Variants in GALNT5 observed in about 807,000 individuals in gnomAD.
The protein encoded by GALNT5 is polypeptide N-acetylgalactosaminyltransferase 5.
A neutral mutation model predicts 85.4 loss-of-function variants in GALNT5; 72 were observed. The observed-to-expected ratio is 0.84, with a 90% CI of 0.70 to 1.03. The LOEUF (loss-of-function observed/expected upper bound fraction) is 1.03. Ranked by LOEUF, GALNT5 falls within the 50% of genes least tolerant of loss-of-function variation. The pLI, the probability that GALNT5 is intolerant of heterozygous loss-of-function variation, is 0.00. For synonymous variants in GALNT5, 404 were observed against 397.0 expected, an observed-to-expected ratio of 1.02 and a Z score of -0.21; for missense variants, 1,137 against 1,135.5, an observed-to-expected ratio of 1.00 and a Z score of -0.02.
chr2:157,277,642 C>A (rs1184363557), intron 1 of GALNT5, among the ~76,000 whole-genome samples: 2 of 152,102 alleles, frequency 1.3e-5, no homozygotes, highest in African/African-American at 2.4e-5. Context: ...AAGATTGCAA[C>A]CCCTGTTCTT....
chr2:157,284,229 T>A, intron 1 of GALNT5, 53 bp from the exon 2 acceptor site: 1 of 1,500,438 alleles, frequency 6.7e-7, no homozygotes, highest in Non-Finnish European at 9.3e-7. Flanking sequence ...TTTAAAACTA[T>A]CTTGTGGATC....
rs762027970 is a variant in GALNT5, at chr2:157,284,471, C to T, written c.1621+23C>T. ...AAGGTAAGAAAACCACTCAGGCTATCTCTTGAAATTTCAAAGTTTGGCAGA... is the reference window on the plus strand; with the variant it reads ...AAGGTAAGAAAACCACTCAGGCTATTTCTTGAAATTTCAAAGTTTGGCAGA... On this transcript the variant is annotated intron_variant, in intron 2 of 9. Transcript: ENST00000259056. 4.4e-6 allele frequency: 7 copies of T among 1,603,834 alleles called. 1 individual carries two copies. In the South Asian group the frequency reaches 6.6e-5, roughly 15 times the overall value.
Position 157,259,090 on chromosome 2 carries a change from AG to A in GALNT5, c.1009del (p.Glu337ArgfsTer49), listed in dbSNP as rs775451419. 6.7e-7 allele frequency: 1 copy of A among 1,483,358 alleles called. No individual in the cohort carries two copies. Among genetic ancestry groups the A allele is most frequent in the East Asian group, 2.3e-5 (1 of 43,450 alleles). 91.9% of individuals were successfully genotyped at this position (1,483,358 alleles called of 1,614,324 possible). A position where few individuals can be genotyped will look rare whatever the true frequency, so the allele number is the denominator to read the frequency against. ...AGGAAGAGCAAAAGGCAGACCCCAA[AG>A]AGGTCTCTAATTCTAAAACCAAAAC... ...KEEEQKADPK[E>X]VSNSKTKTIF... On this transcript the variant is annotated frameshift_variant, in exon 1 of 10. Transcript: ENST00000259056. LOFTEE classifies it high-confidence loss of function.
intron 1 of GALNT5, among the ~76,000 whole-genome samples, chr2:157,263,948 T>C (rs1227659448): frequency 1.3e-5 from 2 of 152,202 alleles, no homozygotes; most frequent in African/African-American, 4.8e-5. Flanking sequence ...ATGTTTTGGC[T>C]TTCAAGAGAG....
intron 1 of GALNT5, among the ~76,000 whole-genome samples, chr2:157,278,606 G>A (rs568071712): frequency 2.0e-5 from 3 of 151,878 alleles, no homozygotes; most frequent in East Asian, 3.9e-4. Context: ...TGATTAAATC[G>A]GCTATTGAAG....
At chr2:157,261,124 C>A (rs1682331417) in intron 1 of GALNT5, among the ~76,000 whole-genome samples, 1 of 152,188 alleles carries the variant, frequency 6.6e-6, no homozygotes, top group Non-Finnish European at 1.5e-5. Context: ...CACATGCCAG[C>A]TTTGAACACA....
At position 157,258,122 on chromosome 2, in the gene GALNT5, G is replaced by C. The variant is rs756713064; in HGVS notation, c.40G>C (p.Val14Leu). The change falls in exon 1 of 10, where the codon GTC (valine) becomes CTC (leucine). Residue 14 changes from valine to leucine, a missense_variant. Val to Leu is a conservative substitution (Grantham distance 32, BLOSUM62 1). Coordinates refer to ENST00000259056, the MANE Select transcript of GALNT5 (RefSeq NM_014568.3). ...AAAGTTTTTCCGAGGAAGTGGGCGA[G>C]TCTTGGCATTTATCTTTGTAGCTTC... Reference protein sequence around the residue: ...IRKFFRGSGRVLAFIFVASVI... With the variant: ...IRKFFRGSGRLLAFIFVASVI... The C allele has an allele frequency of 3.7e-6, 6 of 1,613,954 alleles. No individual in the cohort carries two copies. The East Asian group carries it at 1.1e-4, about 30-fold the overall frequency.
intron 1 of GALNT5, among the ~76,000 whole-genome samples, chr2:157,269,446 AC>A (rs749264905): frequency 2.6e-5 from 4 of 152,212 alleles, no homozygotes; most frequent in Non-Finnish European, 5.9e-5. Flanking sequence ...TATGATCTGT[AC>A]CATATAATCT....
intron 1 of GALNT5, among the ~76,000 whole-genome samples, chr2:157,277,605 G>C (rs111436807): frequency 0.012 from 1,763 of 152,170 alleles, 39 homozygotes; most frequent in African/African-American, 0.039. Flanking sequence ...GATCTTTGTT[G>C]GTTTGAAGTC....
intron 7 of GALNT5, chr2:157,301,410 G>A: frequency 4.7e-6 from 1 of 212,040 alleles, no homozygotes; most frequent in Non-Finnish European, 9.6e-6. Context: ...CAGTTAGAGT[G>A]GCTGAGAAAT....
At chr2:157,287,534 C>T (rs1467872716) in intron 3 of GALNT5, among the ~76,000 whole-genome samples, 1 of 152,028 alleles carries the variant, frequency 6.6e-6, no homozygotes, top group Non-Finnish European at 1.5e-5. Flanking sequence ...CAAATTTGAC[C>T]ACTAGGAGCT....
intron 1 of GALNT5, among the ~76,000 whole-genome samples, chr2:157,274,574 G>A (rs921092855): frequency 1.3e-5 from 2 of 152,200 alleles, no homozygotes; most frequent in Non-Finnish European, 2.9e-5. Context: ...TTTCTCTGAT[G>A]ACCAGTGATG....
chr2:157,317,744 T>C lies in GALNT5; in HGVS notation c.*6396T>C, dbSNP rs1405920486. On this transcript the variant is annotated 3_prime_UTR_variant, in exon 10 of 10. Coordinates refer to ENST00000259056, the MANE Select transcript of GALNT5 (RefSeq NM_014568.3). Reference sequence around the variant, plus strand: ...TAAATTCATTTCCAAAATTCTCCTGTGCTGGCAGTTAGCTACTAGAGATCA... The same window carrying C: ...TAAATTCATTTCCAAAATTCTCCTGCGCTGGCAGTTAGCTACTAGAGATCA... 6.6e-6 allele frequency among the ~76,000 whole-genome samples: 1 copy of C among 152,168 alleles called. No individual in the cohort carries two copies. The highest frequency in any genetic ancestry group is 1.5e-5 in the Non-Finnish European group (1 of 68,014).
Position 157,265,866 on chromosome 2 carries a change from G to C in GALNT5, c.1454+6330G>C, listed in dbSNP as rs941152821. Among the ~76,000 whole-genome samples the C allele has an allele frequency of 2.6e-5, 4 of 152,304 alleles. No homozygotes were observed. The East Asian group carries it at 7.7e-4, about 29-fold the overall frequency. On this transcript the variant is annotated intron_variant, in intron 1 of 9. Coordinates refer to ENST00000259056, the MANE Select transcript of GALNT5 (RefSeq NM_014568.3). ...AACAGCTATATTATACCAAACTCAA[G>C]TACCTCCTCAACTGGCGTTGCTTCT...
chr2:157,281,040 T>C (rs893034640), intron 1 of GALNT5, among the ~76,000 whole-genome samples: 1 of 152,102 alleles, frequency 6.6e-6, no homozygotes, highest in Non-Finnish European at 1.5e-5. Context: ...ACAAATTAGC[T>C]AGTCTCAGGT....
Position 157,258,901 on chromosome 2 carries a change from T to C in GALNT5, c.819T>C (p.Asn273=). 5.8e-6 allele frequency: 9 copies of C among 1,562,144 alleles called. No individual in the cohort carries two copies. The highest frequency in any genetic ancestry group is 6.9e-6 in the Non-Finnish European group (8 of 1,158,080). ...TCAATGCAAATAAACACAAAGCCAATACGAGTCTTCCTTTTCCTAAGTTCA... is the reference window on the plus strand; with the variant it reads ...TCAATGCAAATAAACACAAAGCCAACACGAGTCTTCCTTTTCCTAAGTTCA... ...KEVNANKHKA[N]TSLPFPKFTV... The change falls in exon 1 of 10, where the codon AAT becomes AAC. Residue 273 remains asparagine (N), a synonymous_variant. Transcript: ENST00000259056.
In GALNT5 at chr2:157,284,292, C is replaced by A; in HGVS notation, c.1465C>A (p.Gln489Lys). The A allele has an allele frequency of 6.2e-7, 1 of 1,613,626 alleles. No individual in the cohort carries two copies. Among genetic ancestry groups the A allele is most frequent in the Admixed American group, 1.7e-5 (1 of 60,018 alleles). Residue 489 changes from glutamine (Q) to lysine (K), a missense_variant, in exon 2 of 10, where the codon CAG becomes AAG. Physicochemically the swap from Gln to Lys is moderately conservative, Grantham distance 53. Transcript: ENST00000259056. ...EDTRPAGCAE[Q>K]LVHNNLPTTS... ...TATATTCTGGCCCAGATGTGCAGAGCAGCTAGTTCACAATAACCTCCCAAC... is the reference window on the plus strand; with the variant it reads ...TATATTCTGGCCCAGATGTGCAGAGAAGCTAGTTCACAATAACCTCCCAAC...
Position 157,259,334 on chromosome 2 carries a change from A to G in GALNT5, c.1252A>G (p.Ser418Gly), listed in dbSNP as rs760176763. 1.3e-6 allele frequency: 2 copies of G among 1,566,962 alleles called. No individual in the cohort carries two copies. The highest frequency in any genetic ancestry group is 1.4e-5 in the African/African-American group (1 of 73,206). Residue 418 changes from serine to glycine, a missense_variant, in exon 1 of 10, where the codon AGT (serine) becomes GGT (glycine). Transcript: ENST00000259056. Reference protein sequence around the residue: ...SHIKALLPEDSGTHQVLRIDV... With the variant: ...SHIKALLPEDGGTHQVLRIDV... Reference sequence around the variant, plus strand: ...TATAAAAGCCCTTTTACCTGAAGACAGTGGAACGCACCAGGTGTTAAGAAT... The same window carrying G: ...TATAAAAGCCCTTTTACCTGAAGACGGTGGAACGCACCAGGTGTTAAGAAT...
intron 1 of GALNT5, among the ~76,000 whole-genome samples, chr2:157,276,928 A>T (rs375770940): frequency 2.6e-5 from 4 of 151,950 alleles, no homozygotes; most frequent in Non-Finnish European, 4.4e-5. Context: ...TGTCAATTTT[A>T]GATCTTTCCT....
Sources: gnomAD v4.1 joint callset for allele counts (sites outside exome capture counted in the v4.1 genomes callset) on GRCh38, gnomAD v4.1.1 for gene constraint, MANE v1.5 for transcripts, NCBI Gene and HGNC (gene_info 2026-07-23, HGNC 2026-07-21) for gene names.